KCNG3: variants seen among roughly 807,000 people sequenced by gnomAD.
The protein encoded by KCNG3 is voltage-gated potassium channel regulatory subunit KCNG3.
KCNG3 carries 15 observed loss-of-function variants against 29.0 expected under a neutral mutation model. The observed-to-expected ratio is 0.52, with a 90% CI of 0.35 to 0.80. The LOEUF (loss-of-function observed/expected upper bound fraction) is 0.80. Ranked by LOEUF, KCNG3 falls within the 30% of genes least tolerant of loss-of-function variation. The pLI is 0.01. For missense variants in KCNG3, 512 were observed against 605.7 expected, an observed-to-expected ratio of 0.85 and a Z score of 1.62; for synonymous variants, 322 against 248.9, an observed-to-expected ratio of 1.29 and a Z score of -2.76.
intron 1 of KCNG3, among the ~76,000 whole-genome samples, chr2:42,478,725 T>C (rs908993891): frequency 2.0e-5 from 3 of 152,134 alleles, no homozygotes; most frequent in African/African-American, 7.2e-5. Context: ...CCTTCTCTCA[T>C]AGATGGCTCT....
At chr2:42,472,024 T>C (rs13000412) in intron 1 of KCNG3, among the ~76,000 whole-genome samples, 71,034 of 151,948 alleles carry the variant, frequency 0.47, 17,370 homozygotes, top group Middle Eastern at 0.7. Flanking sequence ...TTCACTACTG[T>C]TAAGAATATA....
intron 1 of KCNG3, among the ~76,000 whole-genome samples, chr2:42,488,291 T>G (rs1291985396): frequency 2.0e-5 from 3 of 152,228 alleles, no homozygotes; most frequent in Non-Finnish European, 4.4e-5. Flanking sequence ...TGTGCCAAAA[T>G]TTCGGAGGTT....
In KCNG3 at chr2:42,465,061, A is replaced by G. The variant is rs148462036; in HGVS notation, c.666-20482T>C. On this transcript the variant is annotated intron_variant, in intron 1 of 1. Transcript: ENST00000306078. ...CTAATGGAATATTTAGGACAAAATGATATATTTGGTGTGTTGATTTTAACA... is the reference window on the plus strand; with the variant it reads ...CTAATGGAATATTTAGGACAAAATGGTATATTTGGTGTGTTGATTTTAACA... Among the ~76,000 whole-genome samples the G allele has an allele frequency of 2.6e-5, 4 of 152,346 alleles. No homozygotes were observed. In the East Asian group the frequency reaches 5.8e-4, roughly 22 times the overall value.
chr2:42,493,606 G>T lies in KCNG3; in HGVS notation c.-105C>A. On this transcript the variant is annotated 5_prime_UTR_variant, in exon 1 of 2. Coordinates refer to ENST00000306078, the MANE Select transcript of KCNG3 (RefSeq NM_133329.6). ...CCCGTGGCTGACGGGGGAGCGCGCC[G>T]TCGGGGCCCGCGCTCCCTCGGGGCT... is the stretch of plus-strand genomic sequence containing the variant. 9.6e-7 allele frequency: 1 copy of T among 1,037,246 alleles called. No individual in the cohort carries two copies. The highest frequency in any genetic ancestry group is 1.2e-6 in the Non-Finnish European group (1 of 812,908). 64.3% of individuals were successfully genotyped at this position (1,037,246 alleles called of 1,614,324 possible). A position where few individuals can be genotyped will look rare whatever the true frequency, so the allele number is the denominator to read the frequency against.
At chr2:42,437,463 TA>T (rs1392251385), downstream of KCNG3, among the ~76,000 whole-genome samples, 2 of 152,202 alleles carry the variant, frequency 1.3e-5, no homozygotes, top group African/African-American at 4.8e-5. Flanking sequence ...GCAAAACATC[TA>T]AAGTTTCTAC....
chr2:42,492,692 G>GT (rs1311562155), intron 1 of KCNG3, 145 bp downstream of exon 1: 2 of 653,168 alleles, frequency 3.1e-6, no homozygotes, highest in Non-Finnish European at 4.5e-6. Context: ...GACCGGTCCC[G>GT]TAGTTGGCCG....
At chr2:42,423,804 G>GA in the KCNG3 span, among the ~76,000 whole-genome samples, 6,573 of 120,798 alleles carry the variant, frequency 0.054, 475 homozygotes, top group African/African-American at 0.17. Context: ...GAGGTGAAAG[G>GA]AAAAAAAAAA....
the KCNG3 span, among the ~76,000 whole-genome samples, chr2:42,389,312 T>C: frequency 1.3e-5 from 2 of 152,244 alleles, no homozygotes; most frequent in East Asian, 3.8e-4. Flanking sequence ...TCGCTGTTAG[T>C]AACTTTGTAA....
intron 1 of KCNG3, among the ~76,000 whole-genome samples, chr2:42,475,466 T>C (rs1438370955): frequency 6.6e-6 from 1 of 151,540 alleles, no homozygotes; most frequent in Admixed American, 6.6e-5. Flanking sequence ...ATAGCTGGGA[T>C]AAGAGGTGCA....
chr2:42,389,694 G>A, the KCNG3 span, among the ~76,000 whole-genome samples: 20 of 152,270 alleles, frequency 1.3e-4, no homozygotes, highest in Non-Finnish European at 2.6e-4. Context: ...TCAAAACTAA[G>A]AAATTTAAAT....
intron 1 of KCNG3, among the ~76,000 whole-genome samples, chr2:42,484,346 C>T (rs2103734300): frequency 6.6e-6 from 1 of 152,228 alleles, no homozygotes; most frequent in Middle Eastern, 3.4e-3. Context: ...CCTGTAGTCC[C>T]AGCTACTCGG....
At chr2:42,439,079 GTACTTA>G (rs1036603939), downstream of KCNG3, among the ~76,000 whole-genome samples, 8 of 152,120 alleles carry the variant, frequency 5.3e-5, no homozygotes, top group African/African-American at 1.9e-4. Flanking sequence ...TCAAATACCT[GTACTTA>G]TTTGGATACA....
chr2:42,461,889 G>A (rs1673029091), intron 1 of KCNG3, among the ~76,000 whole-genome samples: 2 of 152,162 alleles, frequency 1.3e-5, no homozygotes. Context: ...TTCTTTAATA[G>A]TATATTACCA....
chr2:42,483,785 G>C (rs1033430071), intron 1 of KCNG3, among the ~76,000 whole-genome samples: 2 of 152,152 alleles, frequency 1.3e-5, no homozygotes, highest in East Asian at 3.8e-4. Flanking sequence ...AATATGAAAA[G>C]AGTTTCTTTT....
chr2:42,470,737 G>A (rs755201176), intron 1 of KCNG3, among the ~76,000 whole-genome samples: 6 of 151,780 alleles, frequency 4.0e-5, no homozygotes, highest in African/African-American at 7.3e-5. Flanking sequence ...TTAGCCAGAC[G>A]TGGTGGCATA....
downstream of KCNG3, among the ~76,000 whole-genome samples, chr2:42,441,543 G>A (rs1382814220): frequency 1.3e-5 from 2 of 151,500 alleles, no homozygotes; most frequent in Non-Finnish European, 2.9e-5. Flanking sequence ...ACGTCTCATC[G>A]TCTCCTTATA....
At chr2:42,470,038 G>C (rs1673247975) in intron 1 of KCNG3, 3 of 503,220 alleles carry the variant, frequency 6.0e-6, no homozygotes, top group Admixed American at 6.3e-5. Flanking sequence ...GAATTCTTAA[G>C]TCCAAAGGAC....
At chr2:42,439,555 G>T (rs1387916845), downstream of KCNG3, among the ~76,000 whole-genome samples, 1 of 149,164 alleles carries the variant, frequency 6.7e-6, no homozygotes, top group African/African-American at 2.5e-5. Flanking sequence ...GAGCCACCAT[G>T]CCCGGCAATA....
At chr2:42,411,377 T>C in the KCNG3 span, among the ~76,000 whole-genome samples, 1 of 152,222 alleles carries the variant, frequency 6.6e-6, no homozygotes, top group African/African-American at 2.4e-5. Flanking sequence ...GAAGTCTTTA[T>C]GAGGCTTAGT....
Sources: allele counts gnomAD v4.1 joint callset (sites outside exome capture counted in the v4.1 genomes callset), GRCh38; gene constraint gnomAD v4.1.1; transcripts MANE v1.5; gene names NCBI Gene and HGNC (gene_info 2026-07-23, HGNC 2026-07-21).